The following PHF20 variants were observed in gnomAD, a reference collection of about 807,000 sequenced individuals.
The protein encoded by PHF20 is PHD finger protein 20, also known as glioma-expressed antigen 2.
A neutral mutation model predicts 113.5 loss-of-function variants in PHF20; 23 were observed. The ratio of observed to expected loss-of-function variants is 0.20; its 90% CI spans 0.15 to 0.29. PHF20 has a LOEUF of 0.29. Among genes scored for constraint, PHF20 ranks in the 10% least tolerant of loss-of-function variants. PHF20 has a pLI of 1.00. For missense variants in PHF20, 943 were observed against 1,219.6 expected, an observed-to-expected ratio of 0.77 and a Z score of 3.38; for synonymous variants, 434 against 457.3, an observed-to-expected ratio of 0.95 and a Z score of 0.65.
intron 7 of PHF20, 105 bp downstream of exon 7, chr20:35,869,656 C>G (rs2054383149): frequency 4.1e-6 from 3 of 725,802 alleles, no homozygotes; most frequent in African/African-American, 1.8e-5. Flanking sequence ...TAATGTTTGT[C>G]TCTGGTCACA....
At position 35,785,019 on chromosome 20, in the gene PHF20, C is replaced by T. The variant is rs11700256; in HGVS notation, c.-33+12940C>T. 5.3e-5 allele frequency among the ~76,000 whole-genome samples: 8 copies of T among 151,606 alleles called. No individual in the cohort carries two copies. In the East Asian group the frequency reaches 1.6e-3, roughly 30 times the overall value. ...TGAGCCAGGATCATGCCGCTTCACT[C>T]CAACCTGGGCCACAGAAACAGACCC... On this transcript the variant is annotated intron_variant, in intron 1 of 17. Coordinates refer to ENST00000374012, the MANE Select transcript of PHF20 (RefSeq NM_016436.5).
intron 1 of PHF20, among the ~76,000 whole-genome samples, chr20:35,788,719 C>T (rs549283220): frequency 1.4e-4 from 21 of 152,124 alleles, no homozygotes; most frequent in Non-Finnish European, 1.9e-4. Context: ...CTGGGATTAC[C>T]GGTGTACACC....
rs542555716 is a variant in PHF20, at chr20:35,903,223, T to C, written c.1561+3575T>C. 3.6e-4 allele frequency among the ~76,000 whole-genome samples: 54 copies of C among 152,002 alleles called. 1 individual carries two copies. The highest frequency in any genetic ancestry group is 1.3e-3 in the African/African-American group (54 of 41,468). On this transcript the variant is annotated intron_variant, in intron 10 of 17. Transcript: ENST00000374012. ...GGGATTTGGAAATTTCTTGGTGAAT[T>C]GGAGATTTTTGTTTACCAGTTTTTA...
chr20:35,809,916 G>A (rs1283913425), intron 2 of PHF20, among the ~76,000 whole-genome samples: 3 of 152,092 alleles, frequency 2.0e-5, no homozygotes, highest in Admixed American at 1.3e-4. Flanking sequence ...TCAAACCAAG[G>A]ACAGTTTGTT....
At chr20:35,843,429 G>A (rs1417101761) in intron 3 of PHF20, among the ~76,000 whole-genome samples, 1 of 146,554 alleles carries the variant, frequency 6.8e-6, no homozygotes, top group East Asian at 2.1e-4. Context: ...TGAGGCAGGA[G>A]AATCGCTTGA....
intron 9 of PHF20, chr20:35,878,655 C>T: frequency 1.3e-6 from 1 of 788,510 alleles, no homozygotes; most frequent in Admixed American, 1.7e-5. Flanking sequence ...ATGGGTGTGG[C>T]AGCCCAAGGC....
intron 1 of PHF20, among the ~76,000 whole-genome samples, chr20:35,783,891 A>G (rs1333468823): frequency 6.6e-6 from 1 of 151,874 alleles, no homozygotes; most frequent in Non-Finnish European, 1.5e-5. Flanking sequence ...AGGCTGAGGC[A>G]GGAGAATCGC....
At chr20:35,809,199 C>T (rs1204798065) in intron 2 of PHF20, among the ~76,000 whole-genome samples, 1 of 151,038 alleles carries the variant, frequency 6.6e-6, no homozygotes, top group Non-Finnish European at 1.5e-5. Context: ...GAGCCAACAT[C>T]ACGACGCCAT....
intron 7 of PHF20, among the ~76,000 whole-genome samples, chr20:35,870,536 C>T (rs1428482487): frequency 6.6e-6 from 1 of 151,804 alleles, no homozygotes; most frequent in Non-Finnish European, 1.5e-5. Context: ...AAAATACCCT[C>T]TGGAGTGAGT....
At chr20:35,808,601 T>G (rs1020439734) in intron 2 of PHF20, among the ~76,000 whole-genome samples, 5 of 151,960 alleles carry the variant, frequency 3.3e-5, no homozygotes, top group Non-Finnish European at 7.4e-5. Context: ...TGAGACGGAG[T>G]CTCGCCCTGT....
chr20:35,891,094 A>G (rs1485186317), intron 9 of PHF20, among the ~76,000 whole-genome samples: 1 of 152,134 alleles, frequency 6.6e-6, no homozygotes, highest in African/African-American at 2.4e-5. Flanking sequence ...AGCACATTCC[A>G]GGCCGGGTAC....
chr20:35,812,943 G>A (rs1242049711), intron 2 of PHF20, among the ~76,000 whole-genome samples: 1 of 152,134 alleles, frequency 6.6e-6, no homozygotes, highest in Non-Finnish European at 1.5e-5. Context: ...ATTAGGTGAT[G>A]TTCTTCTGTA....
chr20:35,807,030 T>C (rs868464208), intron 2 of PHF20, among the ~76,000 whole-genome samples: 5 of 151,822 alleles, frequency 3.3e-5, no homozygotes, highest in South Asian at 2.1e-4. Flanking sequence ...CTCCTGACCT[T>C]GTGATCTGCC....
In PHF20 at chr20:35,939,082, A is replaced by G; in HGVS notation, c.2686A>G (p.Ser896Gly). The G allele has an allele frequency of 6.2e-7, 1 of 1,610,950 alleles. No individual in the cohort carries two copies. The highest frequency in any genetic ancestry group is 8.5e-7 in the Non-Finnish European group (1 of 1,177,836). Residue 896 changes from serine (S) to glycine (G), a missense_variant, in exon 16 of 18, where the codon AGT becomes GGT. Physicochemically the swap from Ser to Gly is moderately conservative, Grantham distance 56. Around this residue, in one of 3 missense-constraint regions of PHF20, gnomAD observed 349 missense variants for 412.3 expected, o/e 0.85. Transcript: ENST00000374012. ...PLDQDRSKGD[S>G]DPKPGSPKVK... ...AGACCAAGACAGGAGCAAGGGGGACAGTGACCCCAAACCCGGCTCCCCAAA... is the reference window on the plus strand; with the variant it reads ...AGACCAAGACAGGAGCAAGGGGGACGGTGACCCCAAACCCGGCTCCCCAAA...
At chr20:35,924,691 C>A (rs1216465327) in intron 13 of PHF20, among the ~76,000 whole-genome samples, 1 of 151,918 alleles carries the variant, frequency 6.6e-6, no homozygotes, top group African/African-American at 2.4e-5. Context: ...CTCCTGGGTT[C>A]AAGTGATCCT....
chr20:35,817,721 G>A (rs906944649), intron 2 of PHF20, among the ~76,000 whole-genome samples: 3 of 152,032 alleles, frequency 2.0e-5, no homozygotes, highest in Non-Finnish European at 2.9e-5. Context: ...CTTTGAGCCC[G>A]GGAAGCGGAG....
At chr20:35,887,416 T>C (rs1252561989) in intron 9 of PHF20, among the ~76,000 whole-genome samples, 1 of 152,102 alleles carries the variant, frequency 6.6e-6, no homozygotes, top group Non-Finnish European at 1.5e-5. Flanking sequence ...CTGGGGAGGG[T>C]TTCAGGCTTA....
At chr20:35,842,312 C>G (rs2042549834) in intron 2 of PHF20, among the ~76,000 whole-genome samples, 1 of 152,006 alleles carries the variant, frequency 6.6e-6, no homozygotes, top group African/African-American at 2.4e-5. Flanking sequence ...TGCACTCCAG[C>G]CTGGGTGACA....
At chr20:35,871,615 G>A in intron 8 of PHF20, 35 bp from the exon 9 acceptor site, 2 of 1,551,562 alleles carry the variant, frequency 1.3e-6, no homozygotes, top group East Asian at 4.6e-5. Context: ...TTACATACAT[G>A]TATATTTCCC....
Sources: allele counts gnomAD v4.1 joint callset (sites outside exome capture counted in the v4.1 genomes callset), GRCh38; gene constraint gnomAD v4.1.1; regional missense constraint gnomAD v4.1.1; transcripts MANE v1.5; gene names NCBI Gene and HGNC (gene_info 2026-07-23, HGNC 2026-07-21).